The following ARR3 variants were observed in gnomAD, a reference collection of about 807,000 sequenced individuals.
The protein encoded by ARR3 is arrestin 3.
Under a neutral mutation model 35.4 loss-of-function variants are expected in ARR3, and 14 were observed. That is an observed-to-expected ratio of 0.40 (90% CI 0.26 to 0.62). The LOEUF (loss-of-function observed/expected upper bound fraction) is 0.62, where lower values mean the gene tolerates loss of function less well. ARR3 is among the 20% of genes least tolerant of loss of function. ARR3 has a pLI of 0.46. For synonymous variants in ARR3, 97 were observed against 119.1 expected, an observed-to-expected ratio of 0.81 and a Z score of 1.21; for missense variants, 259 against 303.8, an observed-to-expected ratio of 0.85 and a Z score of 1.10.
chrX:70,274,149 C>T (rs1029006208), intron 5 of ARR3, among the ~76,000 whole-genome samples: 7 of 109,442 alleles, frequency 6.4e-5, no homozygotes, highest in Non-Finnish European at 9.5e-5. Context: ...TTTATATAAC[C>T]GGTAACATAC....
At chrX:70,270,208 C>A in intron 5 of ARR3, 64 bp downstream of exon 5, 2 of 1,098,552 alleles carry the variant, frequency 1.8e-6, no homozygotes, top group Non-Finnish European at 2.5e-6. Context: ...GTGGATTGCA[C>A]CAGAGTACAA....
chrX:70,270,238 G>T, intron 5 of ARR3, 94 bp downstream of exon 5: 1 of 968,421 alleles, frequency 1.0e-6, no homozygotes, highest in Non-Finnish European at 1.5e-6. Flanking sequence ...AAAGTGGCAG[G>T]AACTGCGAAT....
At position 70,276,430 on chromosome X, in the gene ARR3, T is replaced by C. The variant is rs375476575; in HGVS notation, c.346-3T>C. 8.3e-7 allele frequency: 1 copy of C among 1,209,518 alleles called. No individual in the cohort carries two copies. The highest frequency in any genetic ancestry group is 1.1e-6 in the Non-Finnish European group (1 of 894,533). ...CTTTTCTGATCTCCTTTTTGTCCCC[T>C]AGATGGTGACCAACCTGCCCTGTTC... On this transcript the variant is annotated splice_region_variant and splice_polypyrimidine_tract_variant and intron_variant, in intron 6 of 16. Transcript: ENST00000307959.
intron 4 of ARR3, 68 bp downstream of exon 4, chrX:70,269,971 A>C: frequency 8.5e-7 from 1 of 1,182,128 alleles, no homozygotes; most frequent in East Asian, 3.0e-5. Flanking sequence ...AAGAAAGTCC[A>C]GGAAAGACCG....
At chrX:70,275,929 G>A (rs1248142327) in intron 5 of ARR3, among the ~76,000 whole-genome samples, 153 bp from the exon 6 acceptor site, 5 of 109,308 alleles carry the variant, frequency 4.6e-5, no homozygotes, top group African/African-American at 6.7e-5. Context: ...CACCCACCTC[G>A]GCCTCCCAAA....
chrX:70,278,281 G>A (rs1359651187), intron 11 of ARR3, 143 bp downstream of exon 11: 1 of 666,194 alleles, frequency 1.5e-6, no homozygotes. Flanking sequence ...TAGATGGAGG[G>A]GATGCAACTT....
chrX:70,276,599 T>G (rs779398078), intron 7 of ARR3, 70 bp from the exon 8 acceptor site: 4 of 1,175,536 alleles, frequency 3.4e-6, no homozygotes, highest in Non-Finnish European at 4.6e-6. Context: ...GTCAGGCATT[T>G]TCTTATAGGC....
Position 70,278,632 on chromosome X carries a change from C to G in ARR3, c.896C>G (p.Ser299Cys), listed in dbSNP as rs12857550. The change falls in exon 12 of 17, where the codon TCT becomes TGT. Residue 299 changes from serine (S) to cysteine (C), a missense_variant. Ser to Cys is a moderately radical substitution (Grantham distance 112). Transcript: ENST00000307959. Reference sequence around the variant, plus strand: ...AAGCATGAAGATACCAACCTGGCCTCTAGCACAATGTAAGCTCAAATATAA... The same window carrying G: ...AAGCATGAAGATACCAACCTGGCCTGTAGCACAATGTAAGCTCAAATATAA... ...KLKHEDTNLA[S>C]STIIRPGMDK... 11,477 of 1,208,299 alleles carry G rather than the reference C, an allele frequency of 9.5e-3. 56 individuals carry two copies. The highest frequency in any genetic ancestry group is 0.011 in the Non-Finnish European group (10,147 of 894,205).
intron 10 of ARR3, 94 bp from the exon 11 acceptor site, chrX:70,277,972 G>T (rs946389402): frequency 3.3e-6 from 3 of 913,343 alleles, no homozygotes; most frequent in Non-Finnish European, 3.1e-6. Flanking sequence ...CATGTATAGT[G>T]TGCCTATGTA....
chrX:70,278,468 C>G, intron 11 of ARR3, 36 bp from the exon 12 acceptor site: 1 of 1,197,664 alleles, frequency 8.3e-7, no homozygotes, highest in Non-Finnish European at 1.1e-6. Context: ...AGTCAGCAAG[C>G]CCAGCCTAAA....
chrX:70,280,659 T>C, intron 14 of ARR3, 77 bp downstream of exon 14: 1 of 1,194,185 alleles, frequency 8.4e-7, no homozygotes, highest in Non-Finnish European at 1.1e-6. Context: ...TAATGATTGA[T>C]TCTGGAGGGT....
At position 70,277,544 on chromosome X, in the gene ARR3, C is replaced by G; in HGVS notation, c.609+15C>G. ...TGGACAGGGAGGTTTGTGACCCCCA[C>G]TTTTTGCCTCCCACCCCAGAACCCC... On this transcript the variant is annotated intron_variant, in intron 9 of 16. Coordinates refer to ENST00000307959, the MANE Select transcript of ARR3 (RefSeq NM_004312.3). 2 of 1,205,566 alleles carry G rather than the reference C, an allele frequency of 1.7e-6. No homozygotes were observed. The highest frequency in any genetic ancestry group is 2.2e-6 in the Non-Finnish European group (2 of 892,891).
At chrX:70,272,550 G>A (rs772222350) in intron 5 of ARR3, among the ~76,000 whole-genome samples, 5 of 111,938 alleles carry the variant, frequency 4.5e-5, no homozygotes, top group Admixed American at 9.5e-5. Context: ...ATACCACAAC[G>A]CCCTGTAATG....
At chrX:70,277,649 G>A in intron 9 of ARR3, 67 bp from the exon 10 acceptor site, 1 of 1,171,319 alleles carries the variant, frequency 8.5e-7, no homozygotes, top group Non-Finnish European at 1.2e-6. Context: ...TAAGGAAGCA[G>A]GGGTTCTAGG....
At chrX:70,277,595 C>T in intron 9 of ARR3, 66 bp downstream of exon 9, 1 of 1,186,581 alleles carries the variant, frequency 8.4e-7, no homozygotes, top group Non-Finnish European at 1.1e-6. Context: ...TCACTGATTT[C>T]CTACTTGGGC....
intron 16 of ARR3, 161 bp from the exon 17 acceptor site, chrX:70,281,515 G>A: frequency 2.0e-6 from 1 of 490,636 alleles, no homozygotes; most frequent in Non-Finnish European, 3.5e-6. Context: ...AAACAAGCCA[G>A]AGTGGCTGAT....
intron 8 of ARR3, among the ~76,000 whole-genome samples, chrX:70,277,062 A>C (rs1413829718): frequency 8.9e-6 from 1 of 112,946 alleles, no homozygotes; most frequent in Non-Finnish European, 1.9e-5. Flanking sequence ...ATAGAACTTT[A>C]CTTATGGACA....
At position 70,277,502 on chromosome X, in the gene ARR3, A is replaced by G. The variant is rs772877153; in HGVS notation, c.582A>G (p.Leu194=). Residue 194 remains leucine, a synonymous_variant, in exon 9 of 17, where the codon CTA becomes CTG. Transcript: ENST00000307959. The stretch of plus-strand genomic sequence containing the variant: ...GCTTCCTTCTGTCAGCTCAGCCCCT[A>G]CAACTCCAGGCCTGGATGGACAGGG... ...IRRFLLSAQP[L]QLQAWMDREV... 118 of 1,209,594 alleles carry G rather than the reference A, an allele frequency of 9.8e-5. No individual in the cohort carries two copies. The South Asian group carries it at 2.0e-3, about 20-fold the overall frequency.
In ARR3 at chrX:70,278,660, C is replaced by G; in HGVS notation, c.905+19C>G. ...GCACAATGTAAGCTCAAATATAACT[C>G]TCAGCCTCCATTTCCTACCCCTCAA... On this transcript the variant is annotated intron_variant, in intron 12 of 16. Transcript: ENST00000307959. 8.3e-7 allele frequency: 1 copy of G among 1,200,048 alleles called. No individual in the cohort carries two copies. Among genetic ancestry groups the G allele is most frequent in the Non-Finnish European group, 1.1e-6 (1 of 887,795 alleles).
Sources: gnomAD v4.1 joint callset for allele counts (sites outside exome capture counted in the v4.1 genomes callset) on GRCh38, gnomAD v4.1.1 for gene constraint, MANE v1.5 for transcripts, NCBI Gene and HGNC (gene_info 2026-07-23, HGNC 2026-07-21) for gene names.